Variants in CTNNA2 observed in about 807,000 individuals in gnomAD.
CTNNA2 encodes catenin alpha 2.
Under a neutral mutation model 101.0 loss-of-function variants are expected in CTNNA2, and 42 were observed. That is an observed-to-expected ratio of 0.42 (90% CI 0.32 to 0.54). The LOEUF (loss-of-function observed/expected upper bound fraction) is 0.54. Ranked by LOEUF, CTNNA2 falls within the 20% of genes least tolerant of loss-of-function variation. The pLI, the probability that CTNNA2 is intolerant of heterozygous loss-of-function variation, is 0.14. For missense variants in CTNNA2, 871 were observed against 1,223.1 expected (o/e 0.71, Z 4.29); for synonymous variants, 450 against 456.4 (o/e 0.99, Z 0.18).
At chr2:80,298,185 A>G (rs761777129) in intron 7 of CTNNA2, 1 of 151,944 alleles carries the variant, frequency 6.6e-6, no homozygotes, top group Non-Finnish European at 1.5e-5. Context: ...TTTTTTTGAC[A>G]TTCTAAACCT....
chr2:79,735,763 G>T (rs1670830067), intron 2 of CTNNA2, among the ~76,000 whole-genome samples: 1 of 152,142 alleles, frequency 6.6e-6, no homozygotes, highest in Non-Finnish European at 1.5e-5. Flanking sequence ...TATCTTCAAG[G>T]TTTCAGAAAG....
chr2:79,931,072 A>G (rs565091259), intron 7 of CTNNA2, among the ~76,000 whole-genome samples: 27 of 152,280 alleles, frequency 1.8e-4, no homozygotes, highest in Non-Finnish European at 2.6e-4. Flanking sequence ...ATGAAATTTC[A>G]TGGGATAATT....
At chr2:80,254,596 C>A (rs76361844) in intron 7 of CTNNA2, among the ~76,000 whole-genome samples, 12,977 of 152,094 alleles carry the variant, frequency 0.085, 699 homozygotes, top group Admixed American at 0.11. Flanking sequence ...AGGAAGAAGA[C>A]AGATGAGCAC....
intron 12 of CTNNA2, among the ~76,000 whole-genome samples, chr2:80,562,134 A>G (rs767862661): frequency 3.3e-5 from 5 of 152,110 alleles, no homozygotes; most frequent in African/African-American, 1.2e-4. Flanking sequence ...TCACTATCTT[A>G]GGACTGTTAA....
At chr2:79,651,787 A>G in intron 2 of CTNNA2, 129 bp downstream of exon 2, 1 of 752,780 alleles carries the variant, frequency 1.3e-6, no homozygotes. Flanking sequence ...CTGAATATAT[A>G]TTACTGCCTG....
At chr2:80,383,230 C>T (rs1024669423) in intron 7 of CTNNA2, among the ~76,000 whole-genome samples, 16 of 152,214 alleles carry the variant, frequency 1.1e-4, no homozygotes, top group African/African-American at 3.9e-4. Flanking sequence ...GTGCCAACTA[C>T]TTCCTATGGC....
intron 7 of CTNNA2, among the ~76,000 whole-genome samples, chr2:80,218,745 A>G (rs1416286619): frequency 6.6e-6 from 1 of 152,200 alleles, no homozygotes; most frequent in Non-Finnish European, 1.5e-5. Context: ...AAATATAGCT[A>G]TTAGTATTCA....
intron 4 of CTNNA2, among the ~76,000 whole-genome samples, chr2:79,441,227 G>A (rs978418669): frequency 7.9e-5 from 12 of 152,192 alleles, no homozygotes; most frequent in Admixed American, 7.8e-4. Context: ...TGTTCATGAG[G>A]CATACCTCTC....
intron 7 of CTNNA2, among the ~76,000 whole-genome samples, chr2:80,289,985 A>G (rs559155915): frequency 4.8e-4 from 73 of 152,310 alleles, no homozygotes; most frequent in African/African-American, 1.7e-3. Context: ...TGAGGGGCCA[A>G]CCACAGAGCT....
intron 3 of CTNNA2, among the ~76,000 whole-genome samples, chr2:79,357,857 C>T (rs1172917988): frequency 2.0e-5 from 3 of 152,164 alleles, no homozygotes; most frequent in African/African-American, 7.2e-5. Flanking sequence ...GAAAAAGAAA[C>T]GTTTTTTTAA....
intron 2 of CTNNA2, among the ~76,000 whole-genome samples, chr2:79,723,669 A>G (rs1329364983): frequency 2.0e-5 from 3 of 152,202 alleles, no homozygotes; most frequent in African/African-American, 7.2e-5. Context: ...TACCTTATAG[A>G]TTAGGGAACT....
chr2:79,348,851 CT>C (rs1226547429), intron 3 of CTNNA2, among the ~76,000 whole-genome samples: 1 of 152,174 alleles, frequency 6.6e-6, no homozygotes, highest in African/African-American at 2.4e-5. Flanking sequence ...CCTCATCCCC[CT>C]GTACCCTTTC....
intron 7 of CTNNA2, among the ~76,000 whole-genome samples, chr2:80,230,465 G>A (rs1011362211): frequency 6.6e-6 from 1 of 151,744 alleles, no homozygotes; most frequent in African/African-American, 2.4e-5. Context: ...CACTTTCTAT[G>A]CCCTCATGTC....
At chr2:79,778,069 C>T (rs774595347) in intron 3 of CTNNA2, among the ~76,000 whole-genome samples, 5 of 152,064 alleles carry the variant, frequency 3.3e-5, no homozygotes, top group South Asian at 2.1e-4. Context: ...CAGCTGGGTG[C>T]GGTGGCTCAT....
intron 9 of CTNNA2, among the ~76,000 whole-genome samples, chr2:80,420,093 T>A (rs979731600): frequency 9.3e-5 from 14 of 150,728 alleles, no homozygotes; most frequent in Non-Finnish European, 1.6e-4. Flanking sequence ...TGTTTGAACT[T>A]TTGGTGGAAG....
At chr2:80,196,680 T>A (rs1233660177) in intron 7 of CTNNA2, among the ~76,000 whole-genome samples, 1 of 152,178 alleles carries the variant, frequency 6.6e-6, no homozygotes, top group African/African-American at 2.4e-5. Flanking sequence ...GATTACTTCT[T>A]CCTGGACTTC....
intron 9 of CTNNA2, among the ~76,000 whole-genome samples, chr2:80,541,078 C>G (rs771480617): frequency 6.6e-6 from 1 of 152,022 alleles, no homozygotes; most frequent in African/African-American, 2.4e-5. Context: ...TATATAAAAC[C>G]AAGTTGATAG....
At chr2:80,021,703 C>G (rs1387407375) in intron 7 of CTNNA2, among the ~76,000 whole-genome samples, 1 of 150,874 alleles carries the variant, frequency 6.6e-6, no homozygotes, top group Non-Finnish European at 1.5e-5. Flanking sequence ...TGCATTGCCT[C>G]ACACACTTAT....
intron 7 of CTNNA2, among the ~76,000 whole-genome samples, chr2:80,046,799 T>G (rs1282914021): frequency 1.3e-5 from 2 of 152,148 alleles, no homozygotes; most frequent in African/African-American, 4.8e-5. Context: ...TTTGCCTAAT[T>G]TTTAGTTCTC....
Sources: allele counts gnomAD v4.1 joint callset (sites outside exome capture counted in the v4.1 genomes callset), GRCh38; gene constraint gnomAD v4.1.1; transcripts MANE v1.5; gene names NCBI Gene and HGNC (gene_info 2026-07-23, HGNC 2026-07-21).